Variants in MSRA observed in about 807,000 individuals in gnomAD.
The protein encoded by MSRA is mitochondrial peptide methionine sulfoxide reductase.
In MSRA, 54 loss-of-function variants were observed where a neutral mutation model predicts 31.3. That is an observed-to-expected ratio of 1.73 (90% CI 1.39 to 2.17). MSRA has a LOEUF of 2.17. Ranked by LOEUF, MSRA falls within the 30% of genes most tolerant of loss-of-function variation. The pLI, the probability that MSRA is intolerant of heterozygous loss-of-function variation, is 0.00. For synonymous variants in MSRA, 169 were observed against 116.5 expected, an observed-to-expected ratio of 1.45 and a Z score of -2.90; for missense variants, 507 against 300.9, an observed-to-expected ratio of 1.69 and a Z score of -5.07.
At position 10,159,483 on chromosome 8, in the gene MSRA, C is replaced by T. The variant is rs184986904; in HGVS notation, c.143-48350C>T. On this transcript the variant is annotated intron_variant, in intron 1 of 5. Coordinates refer to ENST00000317173, the MANE Select transcript of MSRA (RefSeq NM_012331.5). ...CTAGGATATTTGAGCTTACCTCTTA[C>T]TTCTGGAGCTTTGTGATGCTTTTGC... Among the ~76,000 whole-genome samples, 122 of 152,308 alleles carry T rather than the reference C, an allele frequency of 8.0e-4. 3 individuals are homozygous for T. The Middle Eastern group carries it at 0.017, about 21-fold the overall frequency.
chr8:10,132,140 C>G (rs900888180), intron 1 of MSRA, among the ~76,000 whole-genome samples: 4 of 152,200 alleles, frequency 2.6e-5, no homozygotes, highest in Non-Finnish European at 4.4e-5. Context: ...TTTAATTTAT[C>G]TGAACCGTGC....
At chr8:10,405,894 A>T (rs925836178) in intron 5 of MSRA, among the ~76,000 whole-genome samples, 4 of 152,218 alleles carry the variant, frequency 2.6e-5, no homozygotes, top group Non-Finnish European at 4.4e-5. Flanking sequence ...ACATGTTCAC[A>T]TACACGCTGT....
At chr8:10,329,531 C>G (rs972116232) in intron 5 of MSRA, among the ~76,000 whole-genome samples, 1 of 152,228 alleles carries the variant, frequency 6.6e-6, no homozygotes, top group Non-Finnish European at 1.5e-5. Flanking sequence ...TATTTAGTTA[C>G]ATCTGTGAAA....
chr8:10,427,942 C>T (rs1025826361), intron 5 of MSRA, among the ~76,000 whole-genome samples: 4 of 152,228 alleles, frequency 2.6e-5, no homozygotes, highest in Non-Finnish European at 2.9e-5. Flanking sequence ...AACCTGATTT[C>T]AGTTCCCAGT....
chr8:10,313,261 C>T (rs1349255005), intron 4 of MSRA, among the ~76,000 whole-genome samples: 1 of 152,166 alleles, frequency 6.6e-6, no homozygotes, highest in African/African-American at 2.4e-5. Context: ...CAAGGGAAAC[C>T]TTTGAAGCAA....
chr8:10,327,743 C>T (rs934879481), intron 5 of MSRA, among the ~76,000 whole-genome samples: 3 of 152,162 alleles, frequency 2.0e-5, no homozygotes, highest in Admixed American at 2.0e-4. Flanking sequence ...ACTATCCTGG[C>T]TAACAAGGTG....
At chr8:10,244,662 G>A (rs1029682251) in intron 2 of MSRA, among the ~76,000 whole-genome samples, 2 of 152,160 alleles carry the variant, frequency 1.3e-5, no homozygotes, top group Admixed American at 1.3e-4. Context: ...TGTTGATTTT[G>A]GAAGTTTTCA....
At chr8:10,138,202 G>C (rs939991970) in intron 1 of MSRA, among the ~76,000 whole-genome samples, 2 of 152,200 alleles carry the variant, frequency 1.3e-5, no homozygotes, top group African/African-American at 4.8e-5. Context: ...AGTACAGATA[G>C]AGGTGAAAGA....
intron 3 of MSRA, among the ~76,000 whole-genome samples, chr8:10,249,117 GCACTTTTAAGTTGTAT>G (rs199500346): frequency 0.021 from 3,138 of 152,220 alleles, 46 homozygotes; most frequent in Non-Finnish European, 0.031. Flanking sequence ...TGATACCCTG[GCACTTTTAAGTTGTAT>G]CACTAACCTC....
At chr8:10,073,896 T>A (rs1585090746) in intron 1 of MSRA, among the ~76,000 whole-genome samples, 1 of 152,042 alleles carries the variant, frequency 6.6e-6, no homozygotes, top group South Asian at 2.1e-4. Flanking sequence ...CTGCCTTGAT[T>A]CTCTGACTGT....
In MSRA at chr8:10,428,482, AT is replaced by A. The variant is rs1419505621; in HGVS notation, c.*171del. 1 of 674,686 alleles carries A rather than the reference AT, an allele frequency of 1.5e-6. No individual in the cohort carries two copies. The highest frequency in any genetic ancestry group is 1.8e-5 in the African/African-American group (1 of 55,100). 41.8% of individuals were successfully genotyped at this position (674,686 alleles called of 1,614,324 possible). A position where few individuals can be genotyped will look rare whatever the true frequency, so the allele number is the denominator to read the frequency against. ...CTATAGGAGGCGCGATGGCAAGTTGATAAAATGTGACTTATCTCCTAATAAG... is the reference window on the plus strand; with the variant it reads ...CTATAGGAGGCGCGATGGCAAGTTGAAAAATGTGACTTATCTCCTAATAAG... On this transcript the variant is annotated 3_prime_UTR_variant, in exon 6 of 6. Coordinates refer to ENST00000317173, the MANE Select transcript of MSRA (RefSeq NM_012331.5).
intron 1 of MSRA, among the ~76,000 whole-genome samples, chr8:10,062,008 G>A (rs762500342): frequency 1.3e-5 from 2 of 152,218 alleles, no homozygotes; most frequent in Non-Finnish European, 2.9e-5. Flanking sequence ...GGTGGGGGAA[G>A]GGAGGAAAGG....
chr8:10,117,791 A>G (rs1268473805), intron 1 of MSRA, among the ~76,000 whole-genome samples: 2 of 152,196 alleles, frequency 1.3e-5, no homozygotes, highest in Non-Finnish European at 2.9e-5. Context: ...TTGATGAACC[A>G]GTTAGGAAAT....
chr8:10,353,657 G>T, intron 5 of MSRA: 1 of 456,232 alleles, frequency 2.2e-6, no homozygotes. Flanking sequence ...CACAGACTGG[G>T]CTGCAGACGG....
At chr8:10,337,329 G>A (rs993990812) in intron 5 of MSRA, among the ~76,000 whole-genome samples, 4 of 152,012 alleles carry the variant, frequency 2.6e-5, no homozygotes, top group Admixed American at 6.6e-5. Flanking sequence ...ACAGGCGCCC[G>A]CCACCACGCC....
At chr8:10,267,277 A>G (rs564955888) in intron 3 of MSRA, among the ~76,000 whole-genome samples, 2 of 152,334 alleles carry the variant, frequency 1.3e-5, no homozygotes, top group South Asian at 2.1e-4. Context: ...TCTGCCGTTC[A>G]TGACAACAGC....
At position 10,090,531 on chromosome 8, in the gene MSRA, G is replaced by C. The variant is rs1253025498; in HGVS notation, c.142+35873G>C. ...AGAGATGGACTGCAACTTTTAAAAA[G>C]TTGATGTAATTCACATGCCATAAAA... On this transcript the variant is annotated intron_variant, in intron 1 of 5. Transcript: ENST00000317173. 3.9e-5 allele frequency among the ~76,000 whole-genome samples: 6 copies of C among 152,184 alleles called. No homozygotes were observed. In the South Asian group the frequency reaches 8.3e-4, roughly 21 times the overall value.
intron 1 of MSRA, among the ~76,000 whole-genome samples, chr8:10,174,893 G>C (rs1166491344): frequency 6.6e-6 from 1 of 152,104 alleles, no homozygotes; most frequent in East Asian, 1.9e-4. Flanking sequence ...TCTGTCAATA[G>C]ATCTCATCTC....
chr8:10,078,625 C>G (rs1048218233), intron 1 of MSRA, among the ~76,000 whole-genome samples: 2 of 152,238 alleles, frequency 1.3e-5, no homozygotes, highest in Non-Finnish European at 2.9e-5. Flanking sequence ...GTGCTGCACC[C>G]TGCAGAAGAT....
Sources: gnomAD v4.1 joint callset for allele counts (sites outside exome capture counted in the v4.1 genomes callset) on GRCh38, gnomAD v4.1.1 for gene constraint, MANE v1.5 for transcripts, NCBI Gene and HGNC (gene_info 2026-07-23, HGNC 2026-07-21) for gene names.